NPSR1: variants seen among roughly 807,000 people sequenced by gnomAD.
NPSR1 encodes neuropeptide S receptor.
NPSR1 carries 48 observed loss-of-function variants against 46.9 expected under a neutral mutation model. That is an observed-to-expected ratio of 1.02 (90% CI 0.81 to 1.30). The LOEUF is 1.30. NPSR1 is among the 50% of genes most tolerant of loss of function. NPSR1 has a pLI of 0.00. For missense variants in NPSR1, 450 were observed against 449.5 expected, an observed-to-expected ratio of 1.00 and a Z score of -0.01; for synonymous variants, 176 against 168.1, an observed-to-expected ratio of 1.05 and a Z score of -0.36.
At chr7:34,760,513 A>G (rs1786117920) in intron 2 of NPSR1, among the ~76,000 whole-genome samples, 1 of 152,248 alleles carries the variant, frequency 6.6e-6, no homozygotes, top group South Asian at 2.1e-4. Context: ...GTCGGGCTCC[A>G]GTAGCCATGC....
At chr7:34,803,580 G>A (rs1350328060) in intron 3 of NPSR1, among the ~76,000 whole-genome samples, 6 of 151,994 alleles carry the variant, frequency 3.9e-5, no homozygotes, top group Admixed American at 6.6e-5. Flanking sequence ...GGTGGGAGGA[G>A]GGGGGAGGGA....
At chr7:34,847,817 C>T (rs1397935196) in intron 7 of NPSR1, among the ~76,000 whole-genome samples, 5 of 152,182 alleles carry the variant, frequency 3.3e-5, no homozygotes, top group African/African-American at 7.2e-5. Flanking sequence ...CTGAGCACTC[C>T]GCAGCCCAGT....
intron 2 of NPSR1, among the ~76,000 whole-genome samples, chr7:34,690,960 C>T (rs986884711): frequency 1.9e-4 from 29 of 152,052 alleles, no homozygotes; most frequent in Non-Finnish European, 1.9e-4. Flanking sequence ...AGGAAAAAAT[C>T]CTAAGAGTGC....
At chr7:34,821,011 G>T (rs1346972333) in intron 4 of NPSR1, among the ~76,000 whole-genome samples, 2 of 152,094 alleles carry the variant, frequency 1.3e-5, no homozygotes, top group Admixed American at 6.5e-5. Context: ...ATCATGGCTT[G>T]GAACAGCCTC....
intron 4 of NPSR1, among the ~76,000 whole-genome samples, chr7:34,816,277 A>G (rs1789252266): frequency 8.8e-6 from 1 of 113,236 alleles, no homozygotes; most frequent in African/African-American, 3.5e-5. Context: ...CTAGTGTCTG[A>G]TAAAATAGAC....
intron 6 of NPSR1, among the ~76,000 whole-genome samples, chr7:34,843,576 C>A (rs1409101925): frequency 6.6e-6 from 1 of 152,206 alleles, no homozygotes; most frequent in Non-Finnish European, 1.5e-5. Context: ...AGTGTGTGAT[C>A]TTTCATGCTG....
intron 2 of NPSR1, among the ~76,000 whole-genome samples, chr7:34,722,098 T>A (rs1783886609): frequency 6.6e-6 from 1 of 152,116 alleles, no homozygotes; most frequent in Non-Finnish European, 1.5e-5. Context: ...TGGAACGGTT[T>A]CATTAGTAAA....
intron 2 of NPSR1, among the ~76,000 whole-genome samples, chr7:34,748,916 C>G (rs559944033): frequency 1.3e-5 from 2 of 152,250 alleles, no homozygotes; most frequent in East Asian, 3.9e-4. Context: ...AACTGAGGAT[C>G]TTTACTTAAC....
At chr7:34,874,826 G>T in intron 8 of NPSR1, among the ~76,000 whole-genome samples, 1 of 152,094 alleles carries the variant, frequency 6.6e-6, no homozygotes, top group Non-Finnish European at 1.5e-5. Flanking sequence ...AGGCCATGTT[G>T]GTTCCCTTTC....
At chr7:34,749,855 A>G (rs1238568590) in intron 2 of NPSR1, among the ~76,000 whole-genome samples, 3 of 152,216 alleles carry the variant, frequency 2.0e-5, no homozygotes, top group Non-Finnish European at 4.4e-5. Context: ...TAAATCTTTT[A>G]AGATGACTCT....
At chr7:34,871,276 G>A (rs996813906) in intron 8 of NPSR1, among the ~76,000 whole-genome samples, 1 of 151,542 alleles carries the variant, frequency 6.6e-6, no homozygotes, top group Non-Finnish European at 1.5e-5. Flanking sequence ...CAGATGTCAT[G>A]TGAACTACCA....
intron 4 of NPSR1, among the ~76,000 whole-genome samples, chr7:34,819,627 G>A (rs113877003): frequency 4.3e-3 from 651 of 152,260 alleles, no homozygotes; most frequent in Non-Finnish European, 7.7e-3. Flanking sequence ...TATGTTTATT[G>A]CTATTGCAGC....
intron 6 of NPSR1, 45 bp from the exon 7 acceptor site, chr7:34,844,851 A>G: frequency 8.5e-7 from 1 of 1,178,492 alleles, no homozygotes; most frequent in Non-Finnish European, 1.3e-6. Context: ...AGAAACTGTC[A>G]CATCTTGAAC....
At chr7:34,822,911 T>C (rs1450527899) in intron 4 of NPSR1, among the ~76,000 whole-genome samples, 1 of 152,094 alleles carries the variant, frequency 6.6e-6, no homozygotes, top group Non-Finnish European at 1.5e-5. Flanking sequence ...ACATAAAAAT[T>C]TAAATTATTT....
At chr7:34,658,794 T>C (rs1438563576) in intron 1 of NPSR1, among the ~76,000 whole-genome samples, 1 of 152,224 alleles carries the variant, frequency 6.6e-6, no homozygotes, top group Admixed American at 6.5e-5. Context: ...GCTGGAAATG[T>C]GTGAATCGTG....
chr7:34,822,411 G>A (rs537531714), intron 4 of NPSR1, among the ~76,000 whole-genome samples: 1 of 152,272 alleles, frequency 6.6e-6, no homozygotes, highest in South Asian at 2.1e-4. Flanking sequence ...TAACTGAGGG[G>A]AGGCCATATT....
chr7:34,772,664 C>T (rs571777410), intron 2 of NPSR1, among the ~76,000 whole-genome samples: 1 of 152,134 alleles, frequency 6.6e-6, no homozygotes, highest in African/African-American at 2.4e-5. Flanking sequence ...TTCACCCTTC[C>T]ACAACAGCAG....
intron 3 of NPSR1, among the ~76,000 whole-genome samples, chr7:34,792,377 G>A (rs962757856): frequency 6.6e-6 from 1 of 151,196 alleles, no homozygotes; most frequent in East Asian, 2.0e-4. Context: ...TTAAAAAATA[G>A]TACCAGGCAT....
At position 34,710,158 on chromosome 7, in the gene NPSR1, A is replaced by T. The variant is rs80278787; in HGVS notation, c.280+25474A>T. ...AATCCCTGATCCCTCTTCAGTCTCA[A>T]ATTGCTGTATCCAAAACCCTTCCTA... On this transcript the variant is annotated intron_variant, in intron 2 of 8. Coordinates refer to ENST00000360581, the MANE Select transcript of NPSR1 (RefSeq NM_207172.2). Among the ~76,000 whole-genome samples the T allele has an allele frequency of 6.5e-3, 993 of 152,298 alleles. 8 individuals carry two copies. Among genetic ancestry groups the T allele is most frequent in the Non-Finnish European group, 9.4e-3 (638 of 68,022 alleles).
Sources: gnomAD v4.1 joint callset for allele counts (sites outside exome capture counted in the v4.1 genomes callset) on GRCh38, gnomAD v4.1.1 for gene constraint, MANE v1.5 for transcripts, NCBI Gene and HGNC (gene_info 2026-07-23, HGNC 2026-07-21) for gene names.